Variants in HUWE1 observed in about 807,000 individuals in gnomAD.
The protein encoded by HUWE1 is HECT, UBA and WWE domain containing E3 ubiquitin protein ligase 1.
In HUWE1, 18 loss-of-function variants were observed where a neutral mutation model predicts 299.4. That is an observed-to-expected ratio of 0.06 (90% confidence interval 0.04 to 0.09). HUWE1 has a LOEUF of 0.09. Ranked by LOEUF, HUWE1 falls within the 10% of genes least tolerant of loss-of-function variation. The pLI is 1.00. For missense variants in HUWE1, 1,832 were observed against 3,462.3 expected (o/e 0.53, Z 11.82); for synonymous variants, 1,317 against 1,286.1 (o/e 1.02, Z -0.51).
chrX:53,615,608 T>A, intron 22 of HUWE1, 136 bp downstream of exon 22: 1 of 509,749 alleles, frequency 2.0e-6, no homozygotes, highest in Non-Finnish European at 3.5e-6. Context: ...CCTAAGGACA[T>A]GGAAACAATG....
Position 53,583,883 on chromosome X carries a change from T to A in HUWE1, c.5195A>T (p.Glu1732Val). Residue 1732 changes from glutamate (E) to valine (V), a missense_variant, in exon 42 of 84, where the codon GAA becomes GTA. Coordinates refer to ENST00000262854, the MANE Select transcript of HUWE1 (RefSeq NM_031407.7). ...TGTTTCCTCCAGGCTTGTCTCCTTT[T>A]CAGTGTTTGTACTCTCTAGGGCCAA... The part of the protein sequence containing the change: ...TPLALESTNT[E>V]KETSLEETKI... 1.7e-6 allele frequency: 2 copies of A among 1,208,155 alleles called. No homozygotes were observed. The highest frequency in any genetic ancestry group is 2.2e-6 in the Non-Finnish European group (2 of 892,682).
At chrX:53,685,805 CTCT>C (rs1347687103) in intron 2 of HUWE1, among the ~76,000 whole-genome samples, 1 of 111,973 alleles carries the variant, frequency 8.9e-6, no homozygotes, top group Admixed American at 9.5e-5. Flanking sequence ...CCAGCGGTTA[CTCT>C]TCTAAGAATT....
At position 53,591,252 on chromosome X, in the gene HUWE1, G is replaced by C. The variant is rs138136326; in HGVS notation, c.3973-130C>G. The C allele has an allele frequency of 1.2e-3, 836 of 697,038 alleles. 16 individuals are homozygous for C. The East Asian group carries it at 0.029, about 24-fold the overall frequency. The allele number at this position is 697,038 out of a possible 1,213,427, so 57.4% of individuals were successfully genotyped here. ...CTGGGCTGAGAGCATTTATGAGCTA[G>C]GGCAATTAGGTAAAATGAACAATCC... On this transcript the variant is annotated intron_variant, in intron 33 of 83. Transcript: ENST00000262854.
rs960222442 is a variant in HUWE1 at position 53,629,424 on chromosome X, T to C, written c.963+92A>G. 9 of 598,030 alleles carry C rather than the reference T, an allele frequency of 1.5e-5. No individual in the cohort carries two copies. In the East Asian group the frequency reaches 1.7e-4, roughly 11 times the overall value. 49.3% of individuals were successfully genotyped at this position (598,030 alleles called of 1,213,427 possible). A position where few individuals can be genotyped will look rare whatever the true frequency, so the allele number is the denominator to read the frequency against. ...AGATGTCTCATTATGTATATGCAAA[T>C]ATCCCCTCCCCCCCCAAAAAAGTCT... On this transcript the variant is annotated intron_variant, in intron 13 of 83. Transcript: ENST00000262854.
intron 3 of HUWE1, among the ~76,000 whole-genome samples, chrX:53,673,072 C>A (rs2069638912): frequency 8.9e-6 from 1 of 112,124 alleles, no homozygotes; most frequent in Non-Finnish European, 1.9e-5. Flanking sequence ...CCAAAGCATT[C>A]TTACTAAAAT....
intron 7 of HUWE1, among the ~76,000 whole-genome samples, chrX:53,638,951 C>T (rs1222109276): frequency 8.9e-6 from 1 of 111,967 alleles, no homozygotes; most frequent in Non-Finnish European, 1.9e-5. Context: ...TTAAAAACTA[C>T]TATGAGGAAA....
intron 19 of HUWE1, among the ~76,000 whole-genome samples, chrX:53,620,130 T>C (rs1414075188): frequency 6.3e-5 from 7 of 111,713 alleles, no homozygotes; most frequent in African/African-American, 2.0e-4. Context: ...ACCACTATTA[T>C]AGCCCTCAGT....
chrX:53,586,664 TTTTAAAACTACAG>T (rs1556973572), intron 38 of HUWE1, 93 bp from the exon 39 acceptor site: 2 of 1,081,653 alleles, frequency 1.8e-6, no homozygotes, highest in African/African-American at 3.7e-5. Context: ...TCCTTTATAA[TTTTAAAACTACAG>T]AAGTACCACA....
rs1325812019 is a variant in HUWE1, at chrX:53,559,131, T to C, written c.7916-71A>G. ...ATTAACTGATCCACCGATCCAAAAA[T>C]TGCAGTATTTCCCTAAAAGGACCCA... On this transcript the variant is annotated intron_variant, in intron 57 of 83. Coordinates refer to ENST00000262854, the MANE Select transcript of HUWE1 (RefSeq NM_031407.7). The C allele has an allele frequency of 1.7e-5, 16 of 916,085 alleles. No homozygotes were observed. In the Admixed American group the frequency reaches 2.1e-4, roughly 12 times the overall value. 75.5% of individuals were successfully genotyped at this position (916,085 alleles called of 1,213,427 possible).
At chrX:53,680,791 ATT>A (rs2070092721) in intron 2 of HUWE1, 1 of 112,511 alleles carries the variant, frequency 8.9e-6, no homozygotes, top group African/African-American at 3.2e-5. Context: ...GGTTTAATAA[ATT>A]TGTGATCACT....
rs2148475454 is a variant in HUWE1 at position 53,593,664 on chromosome X, C to T, written c.3504-63G>A. On this transcript the variant is annotated intron_variant, in intron 31 of 83. Transcript: ENST00000262854. ...ATTTTACCCTGGCAAGGGGGGTTTA[C>T]ATCTAAAAGGTCCCCAATCTCTATA... 3.5e-6 allele frequency: 3 copies of T among 866,138 alleles called. No homozygotes were observed. In the East Asian group the frequency reaches 9.4e-5, roughly 27 times the overall value. 71.4% of individuals were successfully genotyped at this position (866,138 alleles called of 1,213,427 possible).
Position 53,548,116 on chromosome X carries a change from A to G in HUWE1, c.10193T>C (p.Met3398Thr). Residue 3398 changes from methionine to threonine, a missense_variant, in exon 68 of 84, where the codon ATG becomes ACG. Met to Thr is a moderately conservative substitution (Grantham distance 81). This residue lies in a region of HUWE1 where 80 missense variants were observed against 142.1 expected (regional missense o/e 0.56). Transcript: ENST00000262854. ...FWDLLVKLDN[M>T]NVSRKGKNSV... ...GTTCTTGCCTTTCCGGCTGACATTC[A>G]TGTTGTCCAGTTTTACCAATAAGTC... 1 of 1,208,413 alleles carries G rather than the reference A, an allele frequency of 8.3e-7. No individual in the cohort carries two copies. The highest frequency in any genetic ancestry group is 1.1e-6 in the Non-Finnish European group (1 of 893,701).
intron 59 of HUWE1, among the ~76,000 whole-genome samples, chrX:53,558,089 A>T (rs1399281900): frequency 8.9e-6 from 1 of 112,138 alleles, no homozygotes; most frequent in Non-Finnish European, 1.9e-5. Flanking sequence ...CATTTAAAAG[A>T]TCTCTGTCTG....
At chrX:53,622,714 TA>T (rs369329353) in intron 19 of HUWE1, among the ~76,000 whole-genome samples, 168 of 111,779 alleles carry the variant, frequency 1.5e-3, no homozygotes, top group East Asian at 5.9e-3. Context: ...GCTTGTGCCT[TA>T]AAGGGACTTC....
At chrX:53,625,511 C>T in intron 17 of HUWE1, 2 of 287,472 alleles carry the variant, frequency 7.0e-6, no homozygotes, top group Non-Finnish European at 1.2e-5. Flanking sequence ...AAAGGTTCAA[C>T]TTTTTTTTTA....
At chrX:53,612,905 A>T (rs2065575341) in intron 23 of HUWE1, among the ~76,000 whole-genome samples, 1 of 111,582 alleles carries the variant, frequency 9.0e-6, no homozygotes, top group Non-Finnish European at 1.9e-5. Context: ...AAATCTGGGC[A>T]CATCAGATGT....
intron 19 of HUWE1, among the ~76,000 whole-genome samples, chrX:53,620,244 A>G (rs1603142260): frequency 9.9e-6 from 1 of 100,670 alleles, no homozygotes; most frequent in South Asian, 5.0e-4. Flanking sequence ...ATCACCTTGG[A>G]GCTTCCATTT....
At chrX:53,668,866 T>C (rs782426033) in intron 3 of HUWE1, among the ~76,000 whole-genome samples, 1 of 112,462 alleles carries the variant, frequency 8.9e-6, no homozygotes, top group Non-Finnish European at 1.9e-5. Context: ...CTAATCTCCA[T>C]ACTGTTAGCC....
In HUWE1 at chrX:53,569,818, C is replaced by T. The variant is rs2062736777; in HGVS notation, c.6322G>A (p.Val2108Met). The stretch of plus-strand genomic sequence containing the variant: ...AGGTGGTCCAGAACAAAAGCTAGCA[C>T]ACTGCAGTCCTGAAAAGTCATGAAT... ...QSELIKEDCS[V>M]LAFVLDHLLP... Residue 2108 changes from valine to methionine, a missense_variant, in exon 48 of 84, where the codon GTG becomes ATG. Coordinates refer to ENST00000262854, the MANE Select transcript of HUWE1 (RefSeq NM_031407.7). 15 of 1,209,064 alleles carry T rather than the reference C, an allele frequency of 1.2e-5. No homozygotes were observed. The East Asian group carries it at 4.4e-4, about 36-fold the overall frequency.
Sources: allele counts gnomAD v4.1 joint callset (sites outside exome capture counted in the v4.1 genomes callset), GRCh38; gene constraint gnomAD v4.1.1; regional missense constraint gnomAD v4.1.1; transcripts MANE v1.5; gene names NCBI Gene and HGNC (gene_info 2026-07-23, HGNC 2026-07-21).